Variants in UXS1 observed in about 807,000 individuals in gnomAD.
UXS1 encodes UDP-glucuronate decarboxylase 1, also known as UDP-glucuronic acid decarboxylase 1.
In UXS1, 33 loss-of-function variants were observed where a neutral mutation model predicts 62.6. The observed-to-expected ratio is 0.53, with a 90% confidence interval of 0.40 to 0.70. The LOEUF is 0.70. Ranked by LOEUF, UXS1 falls within the 30% of genes least tolerant of loss-of-function variation. The pLI is 0.00. For missense variants in UXS1, 434 were observed against 556.3 expected (o/e 0.78, Z 2.21); for synonymous variants, 213 against 206.8 (o/e 1.03, Z -0.26).
chr2:106,131,475 A>G (rs1216710515), intron 6 of UXS1, among the ~76,000 whole-genome samples: 1 of 13,592 alleles, frequency 7.4e-5, no homozygotes, highest in Admixed American at 5.4e-4. Flanking sequence ...ACAAAAAGAC[A>G]GCAGTAACCT....
chr2:106,129,848 A>G, intron 6 of UXS1, 70 bp from the exon 7 acceptor site: 1 of 895,478 alleles, frequency 1.1e-6, no homozygotes, highest in Non-Finnish European at 1.7e-6. Flanking sequence ...CCTAGGATAT[A>G]TACTGTATAA....
intron 5 of UXS1, among the ~76,000 whole-genome samples, chr2:106,149,969 G>A (rs529556978): frequency 2.0e-5 from 3 of 152,288 alleles, no homozygotes; most frequent in South Asian, 2.1e-4. Context: ...TTCTGATGAG[G>A]TCTCAGATGG....
chr2:106,100,024 A>G (rs1260989147), intron 12 of UXS1, among the ~76,000 whole-genome samples: 1 of 152,240 alleles, frequency 6.6e-6, no homozygotes, highest in African/African-American at 2.4e-5. Flanking sequence ...TTTGCAAGAA[A>G]TAGGTCACAT....
At chr2:106,150,321 CA>C (rs1261851373) in intron 5 of UXS1, among the ~76,000 whole-genome samples, 1 of 152,224 alleles carries the variant, frequency 6.6e-6, no homozygotes, top group Non-Finnish European at 1.5e-5. Context: ...CCCTTTGATA[CA>C]CAGAGTAGTA....
chr2:106,125,613 T>C lies in UXS1; in HGVS notation c.637+7A>G. The C allele has an allele frequency of 6.4e-7, 1 of 1,566,450 alleles. No individual in the cohort carries two copies. Among genetic ancestry groups the C allele is most frequent in the Non-Finnish European group, 8.7e-7 (1 of 1,155,606 alleles). ...GTGAACATCTCCTGAGAGAGCCTCC[T>C]ACTCACCTCCATACACCTCCGATGT... On this transcript the variant is annotated splice_region_variant and intron_variant, in intron 8 of 14. Transcript: ENST00000283148.
Position 106,145,236 on chromosome 2 carries a change from G to A in UXS1, c.426C>T (p.Asn142=), listed in dbSNP as rs375079050. The A allele has an allele frequency of 5.0e-6, 8 of 1,613,908 alleles. No homozygotes were observed. Among genetic ancestry groups the A allele is most frequent in the Non-Finnish European group, 6.8e-6 (8 of 1,179,858 alleles). ...CCACGTCGTGGTTAATCAACTCGAA[G>A]TTCTCATGTCCGATCCAGTGCTCCA... The part of the protein sequence containing the change: ...RNVEHWIGHE[N]FELINHDVVE... Residue 142 remains asparagine, a synonymous_variant, in exon 6 of 15, where the codon AAC becomes AAT. Coordinates refer to ENST00000283148, the MANE Select transcript of UXS1 (RefSeq NM_001253875.2).
At chr2:106,117,098 C>T (rs745099) in intron 9 of UXS1, among the ~76,000 whole-genome samples, 129,200 of 152,070 alleles carry the variant, frequency 0.85, 55,578 homozygotes, top group Non-Finnish European at 0.93. Context: ...GTATTCTGGT[C>T]TCCTCTCACA....
chr2:106,105,112 T>G (rs1677946361), intron 10 of UXS1, among the ~76,000 whole-genome samples: 1 of 152,012 alleles, frequency 6.6e-6, no homozygotes, highest in African/African-American at 2.4e-5. Context: ...TCTGCTGGAG[T>G]CTTACGATGT....
At chr2:106,127,282 AG>A (rs1449302434) in intron 7 of UXS1, among the ~76,000 whole-genome samples, 24 of 152,218 alleles carry the variant, frequency 1.6e-4, no homozygotes, top group Non-Finnish European at 1.5e-5. Flanking sequence ...TGAGTCTTAC[AG>A]TAGATGCATA....
chr2:106,138,617 A>T, intron 6 of UXS1: 1 of 985,538 alleles, frequency 1.0e-6, no homozygotes, highest in Non-Finnish European at 1.2e-6. Context: ...GATGAGCGTA[A>T]ACTGGGGTTT....
intron 5 of UXS1, among the ~76,000 whole-genome samples, chr2:106,149,168 C>T (rs1006084345): frequency 6.6e-6 from 1 of 152,040 alleles, no homozygotes; most frequent in Non-Finnish European, 1.5e-5. Context: ...TGTGCTTAAC[C>T]TATGAGATGG....
chr2:106,158,047 T>G lies in UXS1; in HGVS notation c.291+11A>C. 1 of 1,556,192 alleles carries G rather than the reference T, an allele frequency of 6.4e-7. No individual in the cohort carries two copies. Among genetic ancestry groups the G allele is most frequent in the Admixed American group, 1.9e-5 (1 of 51,946 alleles). On this transcript the variant is annotated intron_variant, in intron 5 of 14. Transcript: ENST00000283148. ...TAATATTACAAATACTATTCAGGTG[T>G]GCAAACTTACCAAAATTCTTTTCCG... is the stretch of plus-strand genomic sequence containing the variant.
chr2:106,152,244 G>A (rs1424081236), intron 5 of UXS1, among the ~76,000 whole-genome samples: 1 of 152,142 alleles, frequency 6.6e-6, no homozygotes, highest in African/African-American at 2.4e-5. Context: ...CTGAGGTCAG[G>A]AGTTCAAGAC....
chr2:106,183,306 AC>A (rs1684362697), intron 1 of UXS1: 2 of 151,906 alleles, frequency 1.3e-5, no homozygotes, highest in South Asian at 4.2e-4. Flanking sequence ...CTAACTTAGA[AC>A]CAGCAGGCTT....
rs1679440627 is a variant in UXS1 at position 106,120,519 on chromosome 2, C to T, written c.759+2451G>A. 2.0e-5 allele frequency among the ~76,000 whole-genome samples: 3 copies of T among 152,218 alleles called. No individual in the cohort carries two copies. In the South Asian group the frequency reaches 6.2e-4, roughly 32 times the overall value. On this transcript the variant is annotated intron_variant, in intron 9 of 14. Coordinates refer to ENST00000283148, the MANE Select transcript of UXS1 (RefSeq NM_001253875.2). Reference sequence around the variant, plus strand: ...GTGGGCCTTCCTCGGTGCCATTTCTCACCTGGGCAGATGCAAACCCTCAGC... The same window carrying T: ...GTGGGCCTTCCTCGGTGCCATTTCTTACCTGGGCAGATGCAAACCCTCAGC...
At chr2:106,147,054 T>A (rs1364631578) in intron 5 of UXS1, among the ~76,000 whole-genome samples, 3 of 151,284 alleles carry the variant, frequency 2.0e-5, no homozygotes, top group Admixed American at 6.6e-5. Context: ...AGCACAAGAA[T>A]CACTTGAACC....
At chr2:106,161,168 G>A (rs771556023) in intron 4 of UXS1, among the ~76,000 whole-genome samples, 127 of 152,192 alleles carry the variant, frequency 8.3e-4, no homozygotes, top group Non-Finnish European at 1.5e-3. Flanking sequence ...CTGACTCAGG[G>A]CTGGGCAGGA....
chr2:106,095,034 A>G (rs1406300605), intron 14 of UXS1, among the ~76,000 whole-genome samples: 1 of 152,214 alleles, frequency 6.6e-6, no homozygotes, highest in African/African-American at 2.4e-5. Context: ...TCCCTCAAAA[A>G]TTTATTATAA....
chr2:106,155,198 C>T (rs1284112442), intron 5 of UXS1, among the ~76,000 whole-genome samples: 2 of 152,152 alleles, frequency 1.3e-5, no homozygotes, highest in African/African-American at 4.8e-5. Context: ...GATTGGGAGG[C>T]TGGAACAAAC....
Sources: allele counts gnomAD v4.1 joint callset (sites outside exome capture counted in the v4.1 genomes callset), GRCh38; gene constraint gnomAD v4.1.1; transcripts MANE v1.5; gene names NCBI Gene and HGNC (gene_info 2026-07-23, HGNC 2026-07-21).